Variants in GMIP observed in about 807,000 individuals in gnomAD.
The protein encoded by GMIP is GEM interacting protein.
A neutral mutation model predicts 105.3 loss-of-function variants in GMIP; 54 were observed. That is an observed-to-expected ratio of 0.51 (90% CI 0.41 to 0.64). The LOEUF (loss-of-function observed/expected upper bound fraction) is 0.64, where lower values mean the gene tolerates loss of function less well. GMIP is among the 30% of genes least tolerant of loss of function. The pLI is 0.00. For missense variants in GMIP, 1,110 were observed against 1,319.4 expected (o/e 0.84, Z 2.46); for synonymous variants, 541 against 560.8 (o/e 0.96, Z 0.50).
chr19:19,634,754 C>T lies in GMIP; in HGVS notation c.1887+38G>A, dbSNP rs1204293455. The stretch of plus-strand genomic sequence containing the variant: ...ACGAGTGTGGGTGGGCTGTGGAGGG[C>T]TCCTGCCCGCGTCCCCCTCAGTGTC... On this transcript the variant is annotated intron_variant, in intron 17 of 20. Coordinates refer to ENST00000203556, the MANE Select transcript of GMIP (RefSeq NM_016573.4). This position sits in a 1 kb window ranked among gnomAD's most constrained non-coding sequence, Gnocchi z 6.1. 1.2e-5 allele frequency: 19 copies of T among 1,610,850 alleles called. No individual in the cohort carries two copies. Among genetic ancestry groups the T allele is most frequent in the East Asian group, 2.2e-5 (1 of 44,816 alleles).
rs2061871072 is a variant in GMIP, at chr19:19,637,747, G to T, written c.927+173C>A. ...GTCAGAGCAGGGGCTGGTCATCCAG[G>T]GGACAGGACCTCATGGGGCGGAGCC... On this transcript the variant is annotated intron_variant, in intron 10 of 20. Coordinates refer to ENST00000203556, the MANE Select transcript of GMIP (RefSeq NM_016573.4). This position sits in a 1 kb window ranked among gnomAD's most constrained non-coding sequence, Gnocchi z 6.7. Among the ~76,000 whole-genome samples the T allele has an allele frequency of 6.6e-6, 1 of 152,200 alleles. No individual in the cohort carries two copies. Among genetic ancestry groups the T allele is most frequent in the African/African-American group, 2.4e-5 (1 of 41,438 alleles).
At position 19,634,897 on chromosome 19, in the gene GMIP, A is replaced by G; in HGVS notation, c.1782T>C (p.Arg594=). Reference sequence around the variant, plus strand: ...CGAAAGCCTGGCACAGCCGCTCCACACGGACCCGGGACCCGCTGACCCGGT... The same window carrying G: ...CGAAAGCCTGGCACAGCCGCTCCACGCGGACCCGGGACCCGCTGACCCGGT... The part of the protein sequence containing the change: ...GIYRVSGSRV[R]VERLCQAFEN... The change falls in exon 17 of 21, where the codon CGT becomes CGC. Residue 594 remains arginine, a synonymous_variant. Transcript: ENST00000203556. The surrounding 1 kb of genome is among the most constrained non-coding windows in gnomAD (Gnocchi z 6.1). The G allele has an allele frequency of 6.2e-7, 1 of 1,614,058 alleles. No homozygotes were observed. The highest frequency in any genetic ancestry group is 8.5e-7 in the Non-Finnish European group (1 of 1,180,028).
Position 19,635,584 on chromosome 19 carries a change from G to C in GMIP, c.1406-15C>G, listed in dbSNP as rs564640311. 4.0e-5 allele frequency: 65 copies of C among 1,613,626 alleles called. No individual in the cohort carries two copies. The Middle Eastern group carries it at 4.9e-4, about 12-fold the overall frequency. On this transcript the variant is annotated splice_polypyrimidine_tract_variant and intron_variant, in intron 14 of 20. Transcript: ENST00000203556. The surrounding 1 kb of genome is among the most constrained non-coding windows in gnomAD (Gnocchi z 4.7). ...GTCTCCCAGGTCTGCAGGGAGACAG[G>C]GTCAGGAGTGCCTGGTGCCCTGCCC...
intron 7 of GMIP, 128 bp from the exon 8 acceptor site, chr19:19,638,610 C>G (rs1312756826): frequency 2.8e-6 from 2 of 709,238 alleles, no homozygotes; most frequent in African/African-American, 3.6e-5. Context: ...TTTTTCGAGA[C>G]GGAGTTTTGC....
chr19:19,638,588 T>C, intron 7 of GMIP, 106 bp from the exon 8 acceptor site: 1 of 896,952 alleles, frequency 1.1e-6, no homozygotes, highest in Admixed American at 2.7e-5. Context: ...ACCTCTGGAC[T>C]CTATTTTTTT....
At position 19,638,029 on chromosome 19, in the gene GMIP, G is replaced by A. The variant is rs753606814; in HGVS notation, c.818C>T (p.Ala273Val). 6.3e-7 allele frequency: 1 copy of A among 1,595,826 alleles called. No homozygotes were observed. Among genetic ancestry groups the A allele is most frequent in the South Asian group, 1.1e-5 (1 of 88,670 alleles). Residue 273 changes from alanine (A) to valine (V), a missense_variant, in exon 10 of 21, where the codon GCC becomes GTC. Ala to Val is a moderately conservative substitution (Grantham distance 64, BLOSUM62 0). Coordinates refer to ENST00000203556, the MANE Select transcript of GMIP (RefSeq NM_016573.4). ...KAQEAEALYQ[A>V]CVREANARQQ... Reference sequence around the variant, plus strand: ...CCGCGCGTTGGCCTCGCGGACACAGGCCTGGTACAGCGCCTCGGCCTCCTG... The same window carrying A: ...CCGCGCGTTGGCCTCGCGGACACAGACCTGGTACAGCGCCTCGGCCTCCTG...
intron 13 of GMIP, among the ~76,000 whole-genome samples, 158 bp downstream of exon 13, chr19:19,636,549 A>T (rs1300841794): frequency 6.6e-6 from 1 of 152,122 alleles, no homozygotes; most frequent in African/African-American, 2.4e-5. Context: ...ATAAATAAAT[A>T]ATTTTTAAAA....
At position 19,635,602 on chromosome 19, in the gene GMIP, C is replaced by T. The variant is rs1166536977; in HGVS notation, c.1406-33G>A. On this transcript the variant is annotated intron_variant, in intron 14 of 20. Coordinates refer to ENST00000203556, the MANE Select transcript of GMIP (RefSeq NM_016573.4). The surrounding 1 kb of genome is among the most constrained non-coding windows in gnomAD (Gnocchi z 4.7). ...GAGACAGGGTCAGGAGTGCCTGGTG[C>T]CCTGCCCTGTCCCATCCTGACCTAC... The T allele has an allele frequency of 7.4e-6, 12 of 1,613,444 alleles. No individual in the cohort carries two copies. The highest frequency in any genetic ancestry group is 1.0e-5 in the Non-Finnish European group (12 of 1,179,542).
rs1282179826 is a variant in GMIP at position 19,636,992 on chromosome 19, G to A, written c.1162C>T (p.Leu388Phe). ...GAATTCTCATCCAGCCTTGGAGGAA[G>A]AGGCCCAGAGAGCTTCTTTCTGATG... ...LDIRKKLSGP[L>F]PPRLDENSAE... Residue 388 changes from leucine to phenylalanine, a missense_variant, in exon 12 of 21, where the codon CTT (leucine) becomes TTT (phenylalanine). By Grantham distance (22) the Leu-to-Phe change is conservative. Around this residue, in one of 3 missense-constraint regions of GMIP, gnomAD observed 667 missense variants for 773.2 expected, o/e 0.86. Coordinates refer to ENST00000203556, the MANE Select transcript of GMIP (RefSeq NM_016573.4). 1 of 1,578,776 alleles carries A rather than the reference G, an allele frequency of 6.3e-7. No homozygotes were observed. Among genetic ancestry groups the A allele is most frequent in the Non-Finnish European group, 8.6e-7 (1 of 1,161,262 alleles).
chr19:19,642,362 G>A (rs1339054724), intron 2 of GMIP, among the ~76,000 whole-genome samples, 173 bp downstream of exon 2: 1 of 152,044 alleles, frequency 6.6e-6, no homozygotes, highest in Admixed American at 6.6e-5. Flanking sequence ...TCTATTTAGG[G>A]GGACACTTTT....
rs1477267848 is a variant in GMIP, at chr19:19,638,181, G to C, written c.767C>G (p.Ser256Trp). ...CACCTTGGCCTGGGCCTCCTCTCGC[G>C]AGCGCCGCCGCCGCTCCTGCTGCTT... Reference protein sequence around the residue: ...PSKQQERRRRSREEAQAKAQE... With the variant: ...PSKQQERRRRWREEAQAKAQE... The change falls in exon 9 of 21, where the codon TCG (serine) becomes TGG (tryptophan). Residue 256 changes from serine (S) to tryptophan (W), a missense_variant. Physicochemically the swap from Ser to Trp is radical, Grantham distance 177. Transcript: ENST00000203556. 1 of 1,585,994 alleles carries C rather than the reference G, an allele frequency of 6.3e-7. No homozygotes were observed. Among genetic ancestry groups the C allele is most frequent in the Admixed American group, 1.7e-5 (1 of 58,252 alleles).
At position 19,641,971 on chromosome 19, in the gene GMIP, C is replaced by T; in HGVS notation, c.180+5G>A. The T allele has an allele frequency of 6.2e-7, 1 of 1,610,708 alleles. No individual in the cohort carries two copies. Among genetic ancestry groups the T allele is most frequent in the Non-Finnish European group, 8.5e-7 (1 of 1,176,862 alleles). Reference sequence around the variant, plus strand: ...TTCCTCCCTGTTCCCCTACTCCCCACTCACAACAGTGGCTGTAGGGGTCTT... The same window carrying T: ...TTCCTCCCTGTTCCCCTACTCCCCATTCACAACAGTGGCTGTAGGGGTCTT... On this transcript the variant is annotated splice_donor_5th_base_variant and intron_variant, in intron 3 of 20. Transcript: ENST00000203556.
intron 19 of GMIP, 78 bp downstream of exon 19, chr19:19,633,725 A>G: frequency 9.3e-7 from 1 of 1,074,964 alleles, no homozygotes; most frequent in East Asian, 2.8e-5. Context: ...TTAAAAAGGA[A>G]GGAAGGTGAA....
chr19:19,641,773 G>A (rs113550823), intron 4 of GMIP, 37 bp downstream of exon 4: 2 of 1,460,204 alleles, frequency 1.4e-6, no homozygotes. Flanking sequence ...AAAGACTCCT[G>A]TCTGTCCCCA....
In GMIP at chr19:19,637,812, A is replaced by T; in HGVS notation, c.927+108T>A. The T allele has an allele frequency of 8.1e-7, 1 of 1,234,654 alleles. No homozygotes were observed. Among genetic ancestry groups the T allele is most frequent in the South Asian group, 1.4e-5 (1 of 69,402 alleles). 76.5% of individuals were successfully genotyped at this position (1,234,654 alleles called of 1,614,324 possible). On this transcript the variant is annotated intron_variant, in intron 10 of 20. Transcript: ENST00000203556. This position sits in a 1 kb window ranked among gnomAD's most constrained non-coding sequence, Gnocchi z 6.7. ...GGGGGCGGGAACTGGCTGTCGAGGGAAATGGCCTAGTCCTGGTGTCTCCAG... is the reference window on the plus strand; with the variant it reads ...GGGGGCGGGAACTGGCTGTCGAGGGTAATGGCCTAGTCCTGGTGTCTCCAG...
In GMIP at chr19:19,630,331, T is replaced by C; in HGVS notation, c.2545A>G (p.Ser849Gly). 2 of 1,540,654 alleles carry C rather than the reference T, an allele frequency of 1.3e-6. No homozygotes were observed. Among genetic ancestry groups the C allele is most frequent in the Non-Finnish European group, 1.7e-6 (2 of 1,143,344 alleles). The part of the protein sequence containing the change: ...DTKDGGGEVS[S>G]QGPEDSLLGT... ...AGGAGTGAGTCCTCTGGGCCTTGGCTGGACACTGTGTACGGGGTGGGTGGT... is the reference window on the plus strand; with the variant it reads ...AGGAGTGAGTCCTCTGGGCCTTGGCCGGACACTGTGTACGGGGTGGGTGGT... Residue 849 changes from serine (S) to glycine (G), a missense_variant, in exon 21 of 21, where the codon AGC becomes GGC. Coordinates refer to ENST00000203556, the MANE Select transcript of GMIP (RefSeq NM_016573.4). This position sits in a 1 kb window ranked among gnomAD's most constrained non-coding sequence, Gnocchi z 4.8.
rs1487336712 is a variant in GMIP, at chr19:19,636,999, A to G, written c.1155T>C (p.Ser385=). 6.3e-7 allele frequency: 1 copy of G among 1,577,336 alleles called. No individual in the cohort carries two copies. Among genetic ancestry groups the G allele is most frequent in the Non-Finnish European group, 8.6e-7 (1 of 1,160,250 alleles). The change falls in exon 12 of 21, where the codon TCT becomes TCC. Residue 385 remains serine (S), a synonymous_variant. Coordinates refer to ENST00000203556, the MANE Select transcript of GMIP (RefSeq NM_016573.4). ...CATCCAGCCTTGGAGGAAGAGGCCCAGAGAGCTTCTTTCTGATGTCCAGAG... is the reference window on the plus strand; with the variant it reads ...CATCCAGCCTTGGAGGAAGAGGCCCGGAGAGCTTCTTTCTGATGTCCAGAG... ...SSPLDIRKKL[S]GPLPPRLDEN...
chr19:19,635,433 G>A lies in GMIP; in HGVS notation c.1542C>T (p.Ser514=), dbSNP rs761162347. Residue 514 remains serine, a synonymous_variant, in exon 15 of 21, where the codon AGC becomes AGT. Coordinates refer to ENST00000203556, the MANE Select transcript of GMIP (RefSeq NM_016573.4). This position sits in a 1 kb window ranked among gnomAD's most constrained non-coding sequence, Gnocchi z 4.7. Reference sequence around the variant, plus strand: ...GCCACACCTCCTCACACTCCGTCCCGCTGACCATGAAGGCTTCGCACTCGC... The same window carrying A: ...GCCACACCTCCTCACACTCCGTCCCACTGACCATGAAGGCTTCGCACTCGC... ...KCRECEAFMV[S]GTECEECFLT... The A allele has an allele frequency of 1.2e-6, 2 of 1,609,370 alleles. No individual in the cohort carries two copies. The highest frequency in any genetic ancestry group is 8.5e-7 in the Non-Finnish European group (1 of 1,179,858).
At position 19,629,769 on chromosome 19, in the gene GMIP, G is replaced by T. The variant is rs544914694; in HGVS notation, c.*194C>A. 3 of 606,434 alleles carry T rather than the reference G, an allele frequency of 4.9e-6. No homozygotes were observed. The East Asian group carries it at 8.6e-5, about 17-fold the overall frequency. 37.6% of individuals were successfully genotyped at this position (606,434 alleles called of 1,614,324 possible). On this transcript the variant is annotated 3_prime_UTR_variant, in exon 21 of 21. Transcript: ENST00000203556. ...ACCTGTGTCTAGTGGGGGGACTCTG[G>T]GACATTATCCCCAAAAGGGTTTTAG...
Sources: allele counts gnomAD v4.1 joint callset (sites outside exome capture counted in the v4.1 genomes callset), GRCh38; gene constraint gnomAD v4.1.1; regional missense constraint gnomAD v4.1.1; non-coding constraint Gnocchi (gnomAD v3.1); transcripts MANE v1.5; gene names NCBI Gene and HGNC (gene_info 2026-07-23, HGNC 2026-07-21).